The following ST18 variants were observed in gnomAD, a reference collection of about 807,000 sequenced individuals.
The protein encoded by ST18 is ST18 C2H2C-type zinc finger transcription factor.
Under a neutral mutation model 110.0 loss-of-function variants are expected in ST18, and 50 were observed. The ratio of observed to expected loss-of-function variants is 0.45; its 90% confidence interval spans 0.36 to 0.58. The LOEUF is 0.58. Among genes scored for constraint, ST18 ranks in the 20% least tolerant of loss-of-function variants. The pLI is 0.00. For synonymous variants in ST18, 461 were observed against 452.4 expected (o/e 1.02, Z -0.24); for missense variants, 1,306 against 1,280.1 (o/e 1.02, Z -0.31).
chr8:52,146,258 G>A (rs746500245), intron 16 of ST18, among the ~76,000 whole-genome samples: 1 of 152,072 alleles, frequency 6.6e-6, no homozygotes, highest in Non-Finnish European at 1.5e-5. Flanking sequence ...TGTTTTTTGT[G>A]GTCACATTGC....
intron 2 of ST18, among the ~76,000 whole-genome samples, chr8:52,367,707 C>A (rs551429569): frequency 6.6e-6 from 1 of 152,262 alleles, no homozygotes; most frequent in East Asian, 1.9e-4. Context: ...GACCTTATTG[C>A]GACCAATTAA....
intron 2 of ST18, among the ~76,000 whole-genome samples, chr8:52,286,280 T>C (rs1407185154): frequency 6.6e-6 from 1 of 152,186 alleles, no homozygotes; most frequent in African/African-American, 2.4e-5. Context: ...GTATTTTGCA[T>C]TGGGCACAGT....
chr8:52,163,548 A>G (rs1166188395), intron 13 of ST18, among the ~76,000 whole-genome samples: 2 of 152,168 alleles, frequency 1.3e-5, no homozygotes, highest in Non-Finnish European at 2.9e-5. Flanking sequence ...TAAATACATT[A>G]TATGTGTTTG....
intron 2 of ST18, among the ~76,000 whole-genome samples, chr8:52,388,908 A>G (rs1480758345): frequency 2.6e-5 from 4 of 151,002 alleles, no homozygotes; most frequent in African/African-American, 4.8e-5. Context: ...TGGCACATGT[A>G]TACATATGTA....
At chr8:52,304,533 T>C (rs929936715) in intron 2 of ST18, among the ~76,000 whole-genome samples, 3 of 152,186 alleles carry the variant, frequency 2.0e-5, no homozygotes, top group African/African-American at 7.2e-5. Context: ...TTAAGAAAGA[T>C]ACATACATAA....
chr8:52,295,847 CTTA>C (rs1344868241), intron 2 of ST18, among the ~76,000 whole-genome samples: 1 of 151,338 alleles, frequency 6.6e-6, no homozygotes, highest in South Asian at 2.1e-4. Context: ...AATCTGCCTT[CTTA>C]TTATTGTTAA....
At chr8:52,244,073 T>C (rs2093656680) in intron 2 of ST18, among the ~76,000 whole-genome samples, 4 of 152,136 alleles carry the variant, frequency 2.6e-5, no homozygotes, top group African/African-American at 7.2e-5. Context: ...GACTTGATTA[T>C]GGAAGAAACA....
chr8:52,245,578 C>T (rs1290522366), intron 2 of ST18, among the ~76,000 whole-genome samples: 1 of 151,992 alleles, frequency 6.6e-6, no homozygotes, highest in African/African-American at 2.4e-5. Flanking sequence ...AAATGTACCA[C>T]AAAAATTTTC....
At chr8:52,203,345 T>C (rs2135566114) in intron 8 of ST18, among the ~76,000 whole-genome samples, 1 of 152,304 alleles carries the variant, frequency 6.6e-6, no homozygotes, top group South Asian at 2.1e-4. Flanking sequence ...TAACCCAGTG[T>C]TCTTTCCACC....
intron 2 of ST18, among the ~76,000 whole-genome samples, chr8:52,249,769 AAAC>A (rs980136465): frequency 9.9e-5 from 15 of 152,170 alleles, no homozygotes; most frequent in African/African-American, 3.6e-4. Context: ...TATTTAGCCC[AAAC>A]AACGATAGAG....
At chr8:52,182,316 A>G (rs1003413045) in intron 8 of ST18, among the ~76,000 whole-genome samples, 1 of 152,170 alleles carries the variant, frequency 6.6e-6, no homozygotes, top group East Asian at 1.9e-4. Flanking sequence ...TTTTTGAGGA[A>G]CATTTGCCCA....
intron 25 of ST18, 147 bp from the exon 26 acceptor site, chr8:52,113,485 G>C (rs2041200475): frequency 1.3e-6 from 1 of 792,336 alleles, no homozygotes; most frequent in Non-Finnish European, 2.0e-6. Flanking sequence ...GGGATGGAGA[G>C]AGACGGAGTG....
chr8:52,299,805 G>T lies in ST18; in HGVS notation c.-464-69728C>A, dbSNP rs80292731. Among the ~76,000 whole-genome samples the T allele has an allele frequency of 0.012, 1,843 of 152,300 alleles. 75 individuals carry two copies. The East Asian group carries it at 0.13, about 11-fold the overall frequency. ...AAGTGGGTGTAAGCTTCACCTCTGG[G>T]TTACAAACACTCATGGAAGTTTACT... On this transcript the variant is annotated intron_variant, in intron 2 of 25. Transcript: ENST00000689386.
intron 2 of ST18, among the ~76,000 whole-genome samples, chr8:52,271,555 A>G (rs1042078321): frequency 3.9e-5 from 6 of 152,244 alleles, no homozygotes; most frequent in African/African-American, 1.4e-4. Context: ...CACAGAAGTC[A>G]TGAGTATGAG....
intron 2 of ST18, among the ~76,000 whole-genome samples, chr8:52,378,412 G>A (rs1369332448): frequency 6.6e-6 from 1 of 151,996 alleles, no homozygotes; most frequent in Non-Finnish European, 1.5e-5. Context: ...TTTTAAAAAA[G>A]AGCAATGAGC....
chr8:52,199,764 A>G lies in ST18; in HGVS notation c.86+12315T>C, dbSNP rs376416675. ...AGTCCTATATATCCTTGCTCCTTTG[A>G]CCCATGGCCACCTAAACCCATAGCA... is the stretch of plus-strand genomic sequence containing the variant. On this transcript the variant is annotated intron_variant, in intron 8 of 25. Coordinates refer to ENST00000689386, the MANE Select transcript of ST18 (RefSeq NM_001352837.2). 3.9e-5 allele frequency among the ~76,000 whole-genome samples: 6 copies of G among 152,280 alleles called. No homozygotes were observed. In the East Asian group the frequency reaches 7.7e-4, roughly 20 times the overall value.
chr8:52,140,240 A>G (rs2054395973), intron 17 of ST18, among the ~76,000 whole-genome samples: 1 of 152,258 alleles, frequency 6.6e-6, no homozygotes, highest in Non-Finnish European at 1.5e-5. Flanking sequence ...TCTAATATGC[A>G]TGAATTAGAC....
intron 2 of ST18, among the ~76,000 whole-genome samples, chr8:52,314,106 C>T (rs187965524): frequency 2.0e-5 from 3 of 152,264 alleles, no homozygotes; most frequent in Non-Finnish European, 2.9e-5. Context: ...CCATTCCTGC[C>T]CAAAATGGGG....
At chr8:52,168,134 T>G (rs567848362) in intron 10 of ST18, among the ~76,000 whole-genome samples, 54 of 150,782 alleles carry the variant, frequency 3.6e-4, no homozygotes, top group Admixed American at 3.1e-3. Context: ...CCCACGGCAC[T>G]TGGGGCACGG....
Sources: gnomAD v4.1 joint callset for allele counts (sites outside exome capture counted in the v4.1 genomes callset) on GRCh38, gnomAD v4.1.1 for gene constraint, MANE v1.5 for transcripts, NCBI Gene and HGNC (gene_info 2026-07-23, HGNC 2026-07-21) for gene names.